The following RGPD4 variants were observed in gnomAD, a reference collection of about 807,000 sequenced individuals.
The protein encoded by RGPD4 is ranBP2-like and GRIP domain-containing protein 4.
RGPD4 carries 84 observed loss-of-function variants against 141.1 expected under a neutral mutation model. The observed-to-expected ratio is 0.60, with a 90% confidence interval of 0.50 to 0.71. RGPD4 has a LOEUF of 0.71. Ranked by LOEUF, RGPD4 falls within the 30% of genes least tolerant of loss-of-function variation. RGPD4 has a pLI of 0.00. For synonymous variants in RGPD4, 298 were observed against 566.8 expected (o/e 0.53, Z 6.74); for missense variants, 918 against 1,622.4 (o/e 0.57, Z 7.46).
chr2:107,864,509 G>C (rs1351155215), intron 17 of RGPD4, among the ~76,000 whole-genome samples: 1 of 59,424 alleles, frequency 1.7e-5, no homozygotes, highest in East Asian at 2.5e-4. Flanking sequence ...TCTTGGGCCA[G>C]TCACTTCCTT....
rs1167387452 is a variant in RGPD4, at chr2:107,871,180, T to C, written c.3176T>C (p.Val1059Ala). 8.1e-6 allele frequency: 13 copies of C among 1,610,062 alleles called. No homozygotes were observed. The highest frequency in any genetic ancestry group is 1.1e-5 in the Non-Finnish European group (13 of 1,179,732). The change falls in exon 20 of 23, where the codon GTT becomes GCT. Residue 1059 changes from valine to alanine, a missense_variant. Physicochemically the swap from Val to Ala is moderately conservative, Grantham distance 64. Coordinates refer to ENST00000408999, the MANE Select transcript of RGPD4 (RefSeq NM_182588.3). Reference protein sequence around the residue: ...ELVIGEEGEKVLYSQGVKLFR... With the variant: ...ELVIGEEGEKALYSQGVKLFR... ...GTAATAGGAGAAGAAGGTGAAAAAG[T>C]TCTGTATTCACAGGGGGTAAAACTA...
intron 22 of RGPD4, among the ~76,000 whole-genome samples, chr2:107,888,024 G>GACGAA (rs1287429954): frequency 1.2e-5 from 1 of 86,836 alleles, no homozygotes; most frequent in Non-Finnish European, 2.2e-5. Flanking sequence ...AGTAAATAAA[G>GACGAA]AAAAAAAGCC....
At chr2:107,882,049 G>C (rs1259846853) in intron 21 of RGPD4, among the ~76,000 whole-genome samples, 3 of 151,914 alleles carry the variant, frequency 2.0e-5, no homozygotes, top group Non-Finnish European at 4.4e-5. Context: ...GTAGAAGGCA[G>C]AGGGAACATC....
intron 1 of RGPD4, among the ~76,000 whole-genome samples, chr2:107,830,037 A>T (rs1317603455): frequency 6.6e-6 from 1 of 151,884 alleles, no homozygotes; most frequent in Non-Finnish European, 1.5e-5. Flanking sequence ...GGACGGCGCA[A>T]ATGACACGGA....
intron 21 of RGPD4, 66 bp downstream of exon 21, chr2:107,880,173 T>A: frequency 1.2e-6 from 2 of 1,606,402 alleles, no homozygotes; most frequent in East Asian, 2.2e-5. Context: ...TCCATACACA[T>A]GTACCCAAGT....
chr2:107,858,240 T>G (rs1682397040), intron 9 of RGPD4, among the ~76,000 whole-genome samples: 1 of 151,966 alleles, frequency 6.6e-6, no homozygotes, highest in South Asian at 2.1e-4. Context: ...CATACTCTGA[T>G]AAAAACTTCA....
chr2:107,865,474 C>T, intron 17 of RGPD4, among the ~76,000 whole-genome samples: 1 of 125,868 alleles, frequency 7.9e-6, no homozygotes, highest in African/African-American at 3.2e-5. Context: ...AAAGGATGGT[C>T]ACTGTAATGT....
intron 21 of RGPD4, among the ~76,000 whole-genome samples, chr2:107,882,015 A>G (rs1675380787): frequency 6.6e-6 from 1 of 151,956 alleles, no homozygotes; most frequent in Admixed American, 6.5e-5. Context: ...GCCCCATGCC[A>G]TACTGGCTTA....
intron 6 of RGPD4, among the ~76,000 whole-genome samples, chr2:107,845,872 G>T (rs1681921411): frequency 6.8e-6 from 1 of 147,870 alleles, no homozygotes; most frequent in East Asian, 2.0e-4. Flanking sequence ...CCCACACCTG[G>T]CTAATTTTTG....
intron 9 of RGPD4, among the ~76,000 whole-genome samples, chr2:107,858,258 G>T (rs1336687504): frequency 5.9e-5 from 9 of 151,832 alleles, no homozygotes; most frequent in East Asian, 1.9e-4. Flanking sequence ...TCAACAAAAA[G>T]TGTCTTCATG....
intron 1 of RGPD4, among the ~76,000 whole-genome samples, chr2:107,827,614 G>A (rs1258849848): frequency 1.7e-3 from 94 of 55,544 alleles, no homozygotes; most frequent in Middle Eastern, 0.014. Flanking sequence ...CGGCGGCCTC[G>A]ATGGCTCAGG....
chr2:107,854,144 T>A, intron 7 of RGPD4, among the ~76,000 whole-genome samples: 1 of 126,854 alleles, frequency 7.9e-6, no homozygotes. Flanking sequence ...AACCTCTGCC[T>A]CCCAGGTTCA....
intron 9 of RGPD4, among the ~76,000 whole-genome samples, chr2:107,858,542 A>C (rs977585899): frequency 1.3e-5 from 2 of 152,014 alleles, no homozygotes; most frequent in Non-Finnish European, 2.9e-5. Context: ...AGGTTCAAGC[A>C]ATTGTCTTGC....
At chr2:107,883,723 A>G (rs1675434583) in intron 22 of RGPD4, among the ~76,000 whole-genome samples, 2 of 150,886 alleles carry the variant, frequency 1.3e-5, no homozygotes, top group South Asian at 4.2e-4. Context: ...CTTCTTTGAA[A>G]TGCTTCATAT....
intron 6 of RGPD4, among the ~76,000 whole-genome samples, chr2:107,846,792 T>C (rs1420711543): frequency 6.6e-6 from 1 of 151,572 alleles, no homozygotes; most frequent in Non-Finnish European, 1.5e-5. Flanking sequence ...TTATGAAAAA[T>C]AATTATTTTC....
At chr2:107,833,528 T>C (rs1304896825) in intron 1 of RGPD4, among the ~76,000 whole-genome samples, 34 of 150,088 alleles carry the variant, frequency 2.3e-4, no homozygotes, top group Non-Finnish European at 3.7e-4. Context: ...TTCCTAGCTA[T>C]ATATCTTTAA....
chr2:107,840,446 G>A (rs1298672358), intron 4 of RGPD4, among the ~76,000 whole-genome samples: 1 of 152,242 alleles, frequency 6.6e-6, no homozygotes, highest in Non-Finnish European at 1.5e-5. Context: ...CCGGGTAGCT[G>A]GGACTACAGG....
rs2439142 is a variant in RGPD4, at chr2:107,872,286, G to T, written c.4282G>T (p.Val1428Leu). ...TATGAAAGGGACAGAAAGAGTATGGGTGTGGACTGCATGTGATTTTGCAGA... is the reference window on the plus strand; with the variant it reads ...TATGAAAGGGACAGAAAGAGTATGGTTGTGGACTGCATGTGATTTTGCAGA... ...QNMKGTERVW[V>L]WTACDFADGE... The change falls in exon 20 of 23, where the codon GTG becomes TTG. Residue 1428 changes from valine to leucine, a missense_variant. Coordinates refer to ENST00000408999, the MANE Select transcript of RGPD4 (RefSeq NM_182588.3). The T allele has an allele frequency of 0.4, 646,345 of 1,609,474 alleles. 136,961 individuals are homozygous for T. Among genetic ancestry groups the T allele is most frequent in the Middle Eastern group, 0.45 (1,985 of 4,426 alleles).
chr2:107,856,673 TC>T (rs1210628075), intron 8 of RGPD4, 86 bp from the exon 9 acceptor site: 2 of 275,774 alleles, frequency 7.3e-6, no homozygotes, highest in Non-Finnish European at 1.4e-5. Context: ...TCATATTATT[TC>T]CCCTTTGGGT....
Sources: gnomAD v4.1 joint callset for allele counts (sites outside exome capture counted in the v4.1 genomes callset) on GRCh38, gnomAD v4.1.1 for gene constraint, MANE v1.5 for transcripts, NCBI Gene and HGNC (gene_info 2026-07-23, HGNC 2026-07-21) for gene names.